LIMCH1: variants seen among roughly 807,000 people sequenced by gnomAD.
LIMCH1 encodes the protein LIM and calponin homology domains-containing protein 1.
In LIMCH1, 113 loss-of-function variants were observed where a neutral mutation model predicts 176.5. That is an observed-to-expected ratio of 0.64 (90% CI 0.55 to 0.75). The LOEUF is 0.75. Among genes scored for constraint, LIMCH1 ranks in the 30% least tolerant of loss-of-function variants. The pLI is 0.00. For synonymous variants in LIMCH1, 619 were observed against 645.9 expected (o/e 0.96, Z 0.63); for missense variants, 1,674 against 1,814.9 (o/e 0.92, Z 1.41).
intron 5 of LIMCH1, among the ~76,000 whole-genome samples, chr4:41,617,083 A>C (rs550407125): frequency 6.6e-6 from 1 of 152,062 alleles, no homozygotes; most frequent in African/African-American, 2.4e-5. Flanking sequence ...ATATATATCT[A>C]TATCTATATA....
At chr4:41,555,587 A>G (rs1009746129) in intron 1 of LIMCH1, among the ~76,000 whole-genome samples, 2 of 152,174 alleles carry the variant, frequency 1.3e-5, no homozygotes, top group African/African-American at 2.4e-5. Flanking sequence ...GGTACTGGAA[A>G]TTGATCAGCA....
chr4:41,644,358 C>T, intron 14 of LIMCH1, 142 bp from the exon 15 acceptor site: 2 of 1,131,836 alleles, frequency 1.8e-6, no homozygotes, highest in Middle Eastern at 6.2e-4. Flanking sequence ...GAACACACCG[C>T]CAGTCACGCG....
intron 17 of LIMCH1, among the ~76,000 whole-genome samples, chr4:41,647,302 G>A (rs1013017386): frequency 6.6e-6 from 1 of 152,202 alleles, no homozygotes; most frequent in African/African-American, 2.4e-5. Flanking sequence ...AGAAGTATAT[G>A]CAGCTACCTC....
intron 1 of LIMCH1, among the ~76,000 whole-genome samples, chr4:41,433,305 G>GA (rs982834298): frequency 6.6e-6 from 1 of 152,170 alleles, no homozygotes; most frequent in African/African-American, 2.4e-5. Context: ...TTTTGGGGGG[G>GA]AAACACTTGA....
chr4:41,550,673 C>A (rs980506079), intron 1 of LIMCH1, among the ~76,000 whole-genome samples: 6 of 152,172 alleles, frequency 3.9e-5, no homozygotes, highest in African/African-American at 1.4e-4. Flanking sequence ...TCATTTGGCT[C>A]ATCTTGATAT....
chr4:41,550,144 C>T (rs1284535990), intron 1 of LIMCH1, among the ~76,000 whole-genome samples: 1 of 151,676 alleles, frequency 6.6e-6, no homozygotes, highest in Non-Finnish European at 1.5e-5. Context: ...ATTTCTTATG[C>T]CCACTGTCCC....
At chr4:41,578,265 A>C (rs2084825691) in intron 1 of LIMCH1, among the ~76,000 whole-genome samples, 1 of 152,188 alleles carries the variant, frequency 6.6e-6, no homozygotes, top group Non-Finnish European at 1.5e-5. Flanking sequence ...AGAAGGGGGA[A>C]GCACCAGACA....
intron 1 of LIMCH1, among the ~76,000 whole-genome samples, chr4:41,373,439 C>T (rs2054273884): frequency 6.6e-6 from 1 of 152,330 alleles, no homozygotes; most frequent in South Asian, 2.1e-4. Context: ...CTTGGCCCGG[C>T]CTGGGCCATG....
intron 5 of LIMCH1, among the ~76,000 whole-genome samples, chr4:41,615,185 T>A (rs933301760): frequency 1.3e-5 from 2 of 152,236 alleles, no homozygotes; most frequent in Non-Finnish European, 2.9e-5. Context: ...AAACATGTCT[T>A]AACCAAACGA....
In LIMCH1 at chr4:41,556,767, T is replaced by C. The variant is rs187327671; in HGVS notation, c.-241+18417T>C. Among the ~76,000 whole-genome samples the C allele has an allele frequency of 1.6e-3, 244 of 152,268 alleles. 1 individual carries two copies. Among genetic ancestry groups the C allele is most frequent in the East Asian group, 8.5e-3 (44 of 5,180 alleles). On this transcript the variant is annotated intron_variant, in intron 1 of 31. Transcript: ENST00000503057. ...TCTTTCAGTATAGACATAATCTTGA[T>C]AAAAACAAACTGGGAAATTACCCTT...
At chr4:41,497,648 A>G (rs1446849629) in intron 2 of LIMCH1, among the ~76,000 whole-genome samples, 1 of 152,154 alleles carries the variant, frequency 6.6e-6, no homozygotes, top group Admixed American at 6.5e-5. Flanking sequence ...TACTAAAAAT[A>G]CAAAAAATTA....
In LIMCH1 at chr4:41,462,953, T is replaced by C. The variant is rs188095817; in HGVS notation, c.97-31583T>C. Among the ~76,000 whole-genome samples the C allele has an allele frequency of 3.3e-5, 5 of 152,262 alleles. No homozygotes were observed. The East Asian group carries it at 9.6e-4, about 29-fold the overall frequency. On this transcript the variant is annotated intron_variant, in intron 1 of 26. Transcript: ENST00000313860. The stretch of plus-strand genomic sequence containing the variant: ...GCGAGCATAGGTTTAATAGCACACA[T>C]TGGTCTCTCATGTGTAGTTTGTATT...
At chr4:41,566,752 C>A (rs1320084602) in intron 1 of LIMCH1, among the ~76,000 whole-genome samples, 1 of 152,068 alleles carries the variant, frequency 6.6e-6, no homozygotes, top group Non-Finnish European at 1.5e-5. Context: ...TCATCATACA[C>A]TTTATACAAT....
chr4:41,685,048 T>C (rs1291411337), intron 27 of LIMCH1, among the ~76,000 whole-genome samples: 1 of 152,174 alleles, frequency 6.6e-6, no homozygotes, highest in Non-Finnish European at 1.5e-5. Context: ...GGATCATTCC[T>C]AGATAACTGA....
intron 1 of LIMCH1, among the ~76,000 whole-genome samples, chr4:41,391,153 A>G (rs907152027): frequency 6.6e-6 from 1 of 152,230 alleles, no homozygotes; most frequent in African/African-American, 2.4e-5. Context: ...GATATAGAGT[A>G]GGGGATTATT....
chr4:41,670,579 T>C (rs1560312966), intron 21 of LIMCH1: 4 of 564,906 alleles, frequency 7.1e-6, no homozygotes, highest in Non-Finnish European at 1.2e-5. Context: ...TAAGACATTT[T>C]GTACTGTAGA....
At chr4:41,689,310 A>G (rs1723466239) in intron 29 of LIMCH1, among the ~76,000 whole-genome samples, 1 of 152,206 alleles carries the variant, frequency 6.6e-6, no homozygotes, top group Non-Finnish European at 1.5e-5. Flanking sequence ...ATTCAGTACC[A>G]CAGTGGAGAC....
In LIMCH1 at chr4:41,666,347, T is replaced by C. The variant is rs554543538; in HGVS notation, c.3292-214T>C. Among the ~76,000 whole-genome samples, 17 of 152,374 alleles carry C rather than the reference T, an allele frequency of 1.1e-4. No individual in the cohort carries two copies. The East Asian group carries it at 3.3e-3, about 29-fold the overall frequency. On this transcript the variant is annotated intron_variant, in intron 20 of 31. Transcript: ENST00000503057. ...AGTGGTCATTACGTTTTTACGCTCA[T>C]GTTTGATTTATCTAAAAAATTGACG...
rs566129464 is a variant in LIMCH1, at chr4:41,491,852, G to A, written c.97-2684G>A. 4.2e-3 allele frequency among the ~76,000 whole-genome samples: 607 copies of A among 146,100 alleles called. 4 individuals carry two copies. Among genetic ancestry groups the A allele is most frequent in the Non-Finnish European group, 6.8e-3 (449 of 66,406 alleles). ...TCCTCACTTCCCATTCGGGGCAGCCGGGCAGAGGCGCTCCTCACTTCCTCC... is the reference window on the plus strand; with the variant it reads ...TCCTCACTTCCCATTCGGGGCAGCCAGGCAGAGGCGCTCCTCACTTCCTCC... On this transcript the variant is annotated intron_variant, in intron 1 of 26. Transcript: ENST00000313860.
Sources: allele counts gnomAD v4.1 joint callset (sites outside exome capture counted in the v4.1 genomes callset), GRCh38; gene constraint gnomAD v4.1.1; transcripts MANE v1.5; gene names NCBI Gene and HGNC (gene_info 2026-07-23, HGNC 2026-07-21).